Variants in FGF12 observed in about 807,000 individuals in gnomAD.
FGF12 encodes fibroblast growth factor 12B.
FGF12 carries 14 observed loss-of-function variants against 23.6 expected under a neutral mutation model. The observed-to-expected ratio is 0.59, with a 90% CI of 0.39 to 0.93. The LOEUF (loss-of-function observed/expected upper bound fraction) is 0.93, where lower values mean the gene tolerates loss of function less well. Ranked by LOEUF, FGF12 falls within the 40% of genes least tolerant of loss-of-function variation. The pLI, the probability that FGF12 is intolerant of heterozygous loss-of-function variation, is 0.00. For missense variants in FGF12, 175 were observed against 217.8 expected, an observed-to-expected ratio of 0.80 and a Z score of 1.24; for synonymous variants, 62 against 77.3, an observed-to-expected ratio of 0.80 and a Z score of 1.04.
At chr3:192,533,613 A>G (rs962719315) in intron 2 of FGF12, among the ~76,000 whole-genome samples, 3 of 152,152 alleles carry the variant, frequency 2.0e-5, no homozygotes, top group African/African-American at 4.8e-5. Context: ...GTAAGCCTGC[A>G]CTTGCTTTAC....
chr3:192,171,160 C>T (rs774823173), intron 4 of FGF12, among the ~76,000 whole-genome samples: 8 of 152,202 alleles, frequency 5.3e-5, no homozygotes, highest in Non-Finnish European at 1.0e-4. Context: ...AAGTCAGTAA[C>T]TTCCTCTCTA....
chr3:192,573,982 G>A (rs2062829), intron 2 of FGF12, among the ~76,000 whole-genome samples: 39,327 of 152,120 alleles, frequency 0.26, 5,386 homozygotes, highest in South Asian at 0.34. Flanking sequence ...AGGTGCCCTT[G>A]AAGCAAGGGC....
At chr3:192,690,700 C>T (rs774713385) in intron 2 of FGF12, among the ~76,000 whole-genome samples, 1 of 151,460 alleles carries the variant, frequency 6.6e-6, no homozygotes, top group Non-Finnish European at 1.5e-5. Flanking sequence ...AAATCCTTAT[C>T]TATCAATAAT....
rs962095029 is a variant in FGF12, at chr3:192,607,018, C to T, written c.13+120163G>A. On this transcript the variant is annotated intron_variant, in intron 2 of 5. Coordinates refer to ENST00000445105, the MANE Select transcript of FGF12 (RefSeq NM_004113.6). ...GGACAACCCCCTCCCCCAACACACA[C>T]GCAGGTACACACACACGCAGGTACA... Among the ~76,000 whole-genome samples, 5 of 152,020 alleles carry T rather than the reference C, an allele frequency of 3.3e-5. No individual in the cohort carries two copies. The South Asian group carries it at 1.0e-3, about 32-fold the overall frequency.
At chr3:192,727,139 G>C in intron 2 of FGF12, 42 bp downstream of exon 2, 1 of 1,565,810 alleles carries the variant, frequency 6.4e-7, no homozygotes, top group Non-Finnish European at 8.7e-7. Flanking sequence ...TTGGCCACAC[G>C]CACATGCAGC....
chr3:192,418,892 T>C lies in FGF12; in HGVS notation c.14-58354A>G, dbSNP rs150039089. Among the ~76,000 whole-genome samples, 357 of 152,298 alleles carry C rather than the reference T, an allele frequency of 2.3e-3. 1 individual carries two copies. Among genetic ancestry groups the C allele is most frequent in the African/African-American group, 8.2e-3 (340 of 41,578 alleles). ...CTACAAATTATCCAGTCTCAGGCAGTTCTTTATAGCAAGGCAAGAACAGAC... is the reference window on the plus strand; with the variant it reads ...CTACAAATTATCCAGTCTCAGGCAGCTCTTTATAGCAAGGCAAGAACAGAC... On this transcript the variant is annotated intron_variant, in intron 2 of 5. Transcript: ENST00000445105.
chr3:192,685,026 A>G (rs1414001972), intron 2 of FGF12, among the ~76,000 whole-genome samples: 2 of 152,044 alleles, frequency 1.3e-5, no homozygotes, highest in African/African-American at 2.4e-5. Context: ...TATCCACATC[A>G]TAGTGTTGTT....
chr3:192,332,788 C>A (rs570624681), intron 4 of FGF12, among the ~76,000 whole-genome samples: 3 of 152,238 alleles, frequency 2.0e-5, no homozygotes, highest in African/African-American at 7.2e-5. Context: ...TCTCCATAAA[C>A]TGCAGTTATG....
chr3:192,579,991 A>T (rs1427345096), intron 2 of FGF12, among the ~76,000 whole-genome samples: 1 of 152,174 alleles, frequency 6.6e-6, no homozygotes, highest in Non-Finnish European at 1.5e-5. Flanking sequence ...GGGCATTCTC[A>T]TAGGCAGTAG....
chr3:192,718,709 C>A (rs1230476121), intron 2 of FGF12, among the ~76,000 whole-genome samples: 2 of 152,142 alleles, frequency 1.3e-5, no homozygotes, highest in Non-Finnish European at 2.9e-5. Context: ...AAACTTTAGC[C>A]AAGTAGCACT....
At chr3:192,459,231 C>G (rs567282498) in intron 2 of FGF12, among the ~76,000 whole-genome samples, 1 of 152,186 alleles carries the variant, frequency 6.6e-6, no homozygotes, top group Non-Finnish European at 1.5e-5. Flanking sequence ...ATTAAATTAT[C>G]AAATACTGGA....
intron 2 of FGF12, among the ~76,000 whole-genome samples, chr3:192,715,559 C>A (rs1718840799): frequency 6.6e-6 from 1 of 152,220 alleles, no homozygotes; most frequent in Non-Finnish European, 1.5e-5. Flanking sequence ...TCAAATTCCT[C>A]TCTATATTCC....
chr3:192,406,274 C>A (rs976794998), intron 2 of FGF12, among the ~76,000 whole-genome samples: 10 of 151,426 alleles, frequency 6.6e-5, no homozygotes, highest in African/African-American at 2.2e-4. Context: ...TTATGTTACC[C>A]GTTCACATAT....
At chr3:192,188,706 T>C (rs558673870) in intron 4 of FGF12, among the ~76,000 whole-genome samples, 1 of 152,220 alleles carries the variant, frequency 6.6e-6, no homozygotes, top group African/African-American at 2.4e-5. Flanking sequence ...ATTAGTTGAA[T>C]GAAAAGCAGA....
At chr3:192,469,734 C>G (rs1723115452) in intron 2 of FGF12, among the ~76,000 whole-genome samples, 1 of 152,160 alleles carries the variant, frequency 6.6e-6, no homozygotes, top group Non-Finnish European at 1.5e-5. Context: ...AAACTGAAGG[C>G]AACCTAGGTG....
At chr3:192,540,301 G>A (rs998282458) in intron 2 of FGF12, among the ~76,000 whole-genome samples, 10 of 151,944 alleles carry the variant, frequency 6.6e-5, no homozygotes, top group Middle Eastern at 3.4e-3. Context: ...TCTTAGTACC[G>A]CTTTAGCCAT....
Position 192,408,799 on chromosome 3 carries a change from C to G in FGF12, c.14-48261G>C. 3 of 985,856 alleles carry G rather than the reference C, an allele frequency of 3.0e-6. No individual in the cohort carries two copies. Among genetic ancestry groups the G allele is most frequent in the South Asian group, 4.7e-5 (1 of 21,290 alleles). 61.1% of individuals were successfully genotyped at this position (985,856 alleles called of 1,614,324 possible). On this transcript the variant is annotated intron_variant, in intron 2 of 5. Transcript: ENST00000445105. The surrounding 1 kb of genome is among the most constrained non-coding windows in gnomAD (Gnocchi z 7.3). ...TTTAGAAAACAAGCCACCAACCGCA[C>G]GAGAGAAGGAGAGGAAGGCAGCAAT...
intron 2 of FGF12, among the ~76,000 whole-genome samples, chr3:192,505,716 C>T (rs1724270821): frequency 6.6e-6 from 1 of 152,150 alleles, no homozygotes; most frequent in African/African-American, 2.4e-5. Context: ...AGCTAGTCTT[C>T]CTTTTCAGCT....
rs73058530 is a variant in FGF12, at chr3:192,555,844, G to A, written c.13+171337C>T. ...TAATTTGTGACATCTATAGCATAGTGTGTGCACGGGGAGACATTACAACTG... is the reference window on the plus strand; with the variant it reads ...TAATTTGTGACATCTATAGCATAGTATGTGCACGGGGAGACATTACAACTG... On this transcript the variant is annotated intron_variant, in intron 2 of 5. Transcript: ENST00000445105. Among the ~76,000 whole-genome samples the A allele has an allele frequency of 3.5e-3, 526 of 152,108 alleles. 1 individual carries two copies. The highest frequency in any genetic ancestry group is 0.011 in the African/African-American group (475 of 41,504).
Sources: allele counts gnomAD v4.1 joint callset (sites outside exome capture counted in the v4.1 genomes callset), GRCh38; gene constraint gnomAD v4.1.1; non-coding constraint Gnocchi (gnomAD v3.1); transcripts MANE v1.5; gene names NCBI Gene and HGNC (gene_info 2026-07-23, HGNC 2026-07-21).